Variants in MEI4 observed in about 807,000 individuals in gnomAD.
MEI4 encodes meiotic double-stranded break formation protein 4, also known as meiosis-specific protein MEI4.
MEI4 carries 27 observed loss-of-function variants against 31.4 expected under a neutral mutation model. That is an observed-to-expected ratio of 0.86 (90% CI 0.63 to 1.19). The LOEUF is 1.19. Among genes scored for constraint, MEI4 ranks in the 50% most tolerant of loss-of-function variants. MEI4 has a pLI of 0.00. For synonymous variants in MEI4, 122 were observed against 145.4 expected, an observed-to-expected ratio of 0.84 and a Z score of 1.16; for missense variants, 329 against 398.9, an observed-to-expected ratio of 0.82 and a Z score of 1.49.
intron 3 of MEI4, among the ~76,000 whole-genome samples, chr6:77,765,132 T>C (rs1361688090): frequency 2.0e-5 from 3 of 152,194 alleles, no homozygotes; most frequent in Non-Finnish European, 4.4e-5. Context: ...GTTCTACATC[T>C]GTAAAATGTA....
At chr6:77,722,817 A>T in intron 2 of MEI4, among the ~76,000 whole-genome samples, 3 of 124,134 alleles carry the variant, frequency 2.4e-5, no homozygotes, top group Admixed American at 1.7e-4. Context: ...TTGGCCACTG[A>T]TTTAAAGCAA....
At chr6:77,693,988 C>G (rs1769208118) in intron 2 of MEI4, among the ~76,000 whole-genome samples, 1 of 152,030 alleles carries the variant, frequency 6.6e-6, no homozygotes, top group African/African-American at 2.4e-5. Flanking sequence ...TTTACAGCAT[C>G]AACTATTCAT....
chr6:77,921,102 C>T lies in MEI4; in HGVS notation c.901-1987C>T, dbSNP rs368471077. On this transcript the variant is annotated intron_variant, in intron 4 of 4. Coordinates refer to ENST00000684080, the MANE Select transcript of MEI4 (RefSeq NM_001322247.2). The stretch of plus-strand genomic sequence containing the variant: ...CCCCTGTAGCTACAAAATTCCTAGA[C>T]GGCATCTTCTTTCAGTAGAAGGCTG... Among the ~76,000 whole-genome samples, 132 of 151,960 alleles carry T rather than the reference C, an allele frequency of 8.7e-4. 2 individuals carry two copies. The highest frequency in any genetic ancestry group is 2.0e-3 in the Admixed American group (30 of 15,180).
chr6:77,650,967 A>G (rs543632020), upstream of MEI4, among the ~76,000 whole-genome samples: 3 of 152,296 alleles, frequency 2.0e-5, no homozygotes, highest in Admixed American at 6.5e-5. Context: ...CACCCATTCT[A>G]TTGGACGAAA....
chr6:77,689,399 C>T lies in MEI4; in HGVS notation c.-14-1259C>T, dbSNP rs1019980796. On this transcript the variant is annotated intron_variant, in intron 1 of 4. Transcript: ENST00000684080. ...AATGCTGTGATGAACATATTTTATA[C>T]AGATTTTTGTGTTCATTACTAATTA... 1.3e-5 allele frequency among the ~76,000 whole-genome samples: 2 copies of T among 151,926 alleles called. 1 individual carries two copies. The highest frequency in any genetic ancestry group is 4.1e-4 in the South Asian group (2 of 4,828).
intron 4 of MEI4, among the ~76,000 whole-genome samples, chr6:77,890,445 C>G (rs1045553288): frequency 3.3e-5 from 5 of 152,200 alleles, no homozygotes; most frequent in African/African-American, 1.2e-4. Flanking sequence ...TTGGAACAGG[C>G]ATATTTACCC....
chr6:77,688,119 A>G (rs1051097031), intron 1 of MEI4, among the ~76,000 whole-genome samples: 2 of 152,152 alleles, frequency 1.3e-5, no homozygotes, highest in Non-Finnish European at 2.9e-5. Context: ...TTATGATGCC[A>G]TAGAAGTTCA....
At chr6:77,880,253 CAG>C (rs1409907045) in intron 4 of MEI4, among the ~76,000 whole-genome samples, 1 of 144,314 alleles carries the variant, frequency 6.9e-6, no homozygotes, top group Non-Finnish European at 1.5e-5. Flanking sequence ...TTTTTTGAGA[CAG>C]AGTCTCACTG....
In MEI4 at chr6:77,695,934, C is replaced by T. The variant is rs9443447; in HGVS notation, c.232+5031C>T. Among the ~76,000 whole-genome samples, 1,059 of 152,078 alleles carry T rather than the reference C, an allele frequency of 7.0e-3. 13 individuals carry two copies. Among genetic ancestry groups the T allele is most frequent in the African/African-American group, 0.024 (996 of 41,496 alleles). Reference sequence around the variant, plus strand: ...TTCTATTTGTTTGTGTCCTCTTTTACTTCATTGAGCAGTGGTTTGTAGTTC... The same window carrying T: ...TTCTATTTGTTTGTGTCCTCTTTTATTTCATTGAGCAGTGGTTTGTAGTTC... On this transcript the variant is annotated intron_variant, in intron 2 of 4. Coordinates refer to ENST00000684080, the MANE Select transcript of MEI4 (RefSeq NM_001322247.2).
At chr6:77,681,611 T>C (rs1488975283) in intron 1 of MEI4, among the ~76,000 whole-genome samples, 2 of 152,172 alleles carry the variant, frequency 1.3e-5, no homozygotes, top group Non-Finnish European at 2.9e-5. Flanking sequence ...CCATGTGAAA[T>C]TCTGCCAGAA....
At chr6:77,803,261 A>C (rs1338828576) in intron 3 of MEI4, among the ~76,000 whole-genome samples, 1 of 152,206 alleles carries the variant, frequency 6.6e-6, no homozygotes, top group African/African-American at 2.4e-5. Flanking sequence ...CAGTTGATCA[A>C]ATCGGCTACT....
At position 77,923,471 on chromosome 6, in the gene MEI4, A is replaced by T. The variant is rs1766760141; in HGVS notation, c.*125A>T. ...TTAGAATTGATCTCTAAATATAATT[A>T]TCAATTCAACTTAATGGTTAGTCTT... On this transcript the variant is annotated 3_prime_UTR_variant, in exon 5 of 5. Transcript: ENST00000684080. 1.3e-6 allele frequency: 1 copy of T among 784,712 alleles called. No individual in the cohort carries two copies. Among genetic ancestry groups the T allele is most frequent in the South Asian group, 6.8e-5 (1 of 14,788 alleles). 48.6% of individuals were successfully genotyped at this position (784,712 alleles called of 1,614,324 possible). A position where few individuals can be genotyped will look rare whatever the true frequency, so the allele number is the denominator to read the frequency against.
chr6:77,739,299 A>G (rs1436847376), intron 2 of MEI4, among the ~76,000 whole-genome samples: 1 of 152,098 alleles, frequency 6.6e-6, no homozygotes, highest in Non-Finnish European at 1.5e-5. Context: ...TTTTCTGCAT[A>G]TGGCTAATCA....
intron 2 of MEI4, among the ~76,000 whole-genome samples, chr6:77,705,911 C>G (rs1162034890): frequency 6.6e-6 from 1 of 152,132 alleles, no homozygotes; most frequent in Non-Finnish European, 1.5e-5. Context: ...GTGTTGTGAG[C>G]TGCTTTAAGT....
At chr6:77,880,237 T>G (rs1469910574) in intron 4 of MEI4, among the ~76,000 whole-genome samples, 1 of 112,084 alleles carries the variant, frequency 8.9e-6, no homozygotes, top group African/African-American at 3.5e-5. Context: ...TTTGTTTGTT[T>G]TTTTTTTTTT....
chr6:77,752,754 CTAATT>C (rs1767808786), intron 2 of MEI4, among the ~76,000 whole-genome samples: 4 of 152,108 alleles, frequency 2.6e-5, no homozygotes, highest in Admixed American at 2.6e-4. Context: ...TGGAAAAAAA[CTAATT>C]TAAATTTCAT....
chr6:77,802,405 GGGT>G (rs560675052), intron 3 of MEI4, among the ~76,000 whole-genome samples: 1 of 152,106 alleles, frequency 6.6e-6, no homozygotes, highest in Non-Finnish European at 1.5e-5. Context: ...TCACACTAAT[GGGT>G]CTTGACTCTT....
At chr6:77,910,038 G>A (rs1766396026) in intron 4 of MEI4, among the ~76,000 whole-genome samples, 1 of 152,066 alleles carries the variant, frequency 6.6e-6, no homozygotes, top group African/African-American at 2.4e-5. Context: ...GAATAAATTA[G>A]GTATTGATGG....
intron 2 of MEI4, 30 bp downstream of exon 2, chr6:77,690,933 A>G: frequency 9.2e-7 from 1 of 1,082,252 alleles, no homozygotes; most frequent in Admixed American, 4.3e-5. Flanking sequence ...TTTTGGTAGT[A>G]TGTCATACTT....
Sources: allele counts gnomAD v4.1 joint callset (sites outside exome capture counted in the v4.1 genomes callset), GRCh38; gene constraint gnomAD v4.1.1; transcripts MANE v1.5; gene names NCBI Gene and HGNC (gene_info 2026-07-23, HGNC 2026-07-21).